The following EDAR variants were observed in gnomAD, a reference collection of about 807,000 sequenced individuals.
EDAR encodes the protein tumor necrosis factor receptor superfamily member EDAR.
In EDAR, 38 loss-of-function variants were observed where a neutral mutation model predicts 51.3. The ratio of observed to expected loss-of-function variants is 0.74; its 90% CI spans 0.57 to 0.97. The LOEUF (loss-of-function observed/expected upper bound fraction) is 0.97. Among genes scored for constraint, EDAR ranks in the 50% least tolerant of loss-of-function variants. EDAR has a pLI of 0.00. For synonymous variants in EDAR, 227 were observed against 242.1 expected (o/e 0.94, Z 0.58); for missense variants, 528 against 595.0 (o/e 0.89, Z 1.17).
chr2:108,909,609 A>G (rs1696877683), intron 9 of EDAR, among the ~76,000 whole-genome samples: 3 of 152,186 alleles, frequency 2.0e-5, no homozygotes, highest in Admixed American at 1.3e-4. Context: ...TGTCGGGCAG[A>G]GGCCTGGCAG....
intron 11 of EDAR, among the ~76,000 whole-genome samples, chr2:108,901,210 G>C (rs262086): frequency 0.71 from 108,694 of 152,142 alleles, 41,901 homozygotes; most frequent in East Asian, 0.91. Context: ...TCACACACTT[G>C]AAAACCAGAC....
rs1401980488 is a variant in EDAR at position 108,894,995 on chromosome 2, A to AGTC, written c.*1909_*1911dup. ...CACACTCATCACAAGTGACATTTGCAGTCTAATTAAGGGGAGACTCACTCA... is the reference window on the plus strand; with the variant it reads ...CACACTCATCACAAGTGACATTTGCAGTCGTCTAATTAAGGGGAGACTCACTCA... On this transcript the variant is annotated 3_prime_UTR_variant, in exon 12 of 12. Coordinates refer to ENST00000258443, the MANE Select transcript of EDAR (RefSeq NM_022336.4). The AGTC allele has an allele frequency of 1.3e-5, 2 of 150,762 alleles. No homozygotes were observed. The highest frequency in any genetic ancestry group is 5.0e-5 in the African/African-American group (2 of 40,324). 9.3% of individuals were successfully genotyped at this position (150,762 alleles called of 1,614,324 possible).
At chr2:108,902,363 G>A (rs1413416215) in intron 11 of EDAR, among the ~76,000 whole-genome samples, 3 of 152,058 alleles carry the variant, frequency 2.0e-5, no homozygotes, top group African/African-American at 7.2e-5. Context: ...GTGACATAGC[G>A]AGACTCCATC....
chr2:108,933,390 G>A (rs1459779778), intron 1 of EDAR, among the ~76,000 whole-genome samples: 3 of 152,190 alleles, frequency 2.0e-5, no homozygotes, highest in Non-Finnish European at 4.4e-5. Flanking sequence ...GTCCCTGGCT[G>A]CTCTAAGAAT....
intron 1 of EDAR, among the ~76,000 whole-genome samples, chr2:108,965,802 G>A (rs1698140868): frequency 6.6e-6 from 1 of 151,872 alleles, no homozygotes. Flanking sequence ...ATTCAAGATG[G>A]GCCTTTTGAT....
chr2:108,961,274 C>G (rs1574406560), intron 1 of EDAR, among the ~76,000 whole-genome samples: 1 of 151,810 alleles, frequency 6.6e-6, no homozygotes. Context: ...AGTCCTTTCC[C>G]TCCTAAATAA....
At chr2:108,950,077 C>A (rs957608309) in intron 1 of EDAR, among the ~76,000 whole-genome samples, 10 of 152,148 alleles carry the variant, frequency 6.6e-5, no homozygotes, top group Non-Finnish European at 1.2e-4. Flanking sequence ...GCACTTATGA[C>A]CCCAGGAGGG....
chr2:108,922,129 A>C (rs1485908371), intron 5 of EDAR, among the ~76,000 whole-genome samples: 1 of 152,252 alleles, frequency 6.6e-6, no homozygotes. Flanking sequence ...AGGCTGTGCC[A>C]TGTGAGAACT....
intron 8 of EDAR, 47 bp from the exon 9 acceptor site, chr2:108,910,579 C>A (rs1171106541): frequency 1.3e-6 from 2 of 1,529,928 alleles, no homozygotes; most frequent in Non-Finnish European, 1.8e-6. Context: ...AGAATTGGCT[C>A]ATGGCTCTGC....
At chr2:108,906,053 GTGCC>G (rs1696797177) in intron 11 of EDAR, among the ~76,000 whole-genome samples, 1 of 152,178 alleles carries the variant, frequency 6.6e-6, no homozygotes, top group Non-Finnish European at 1.5e-5. Context: ...CCTACAGTGG[GTGCC>G]TGCACCAGGC....
chr2:108,902,929 C>A (rs1171888793), intron 11 of EDAR, among the ~76,000 whole-genome samples: 1 of 151,996 alleles, frequency 6.6e-6, no homozygotes, highest in African/African-American at 2.4e-5. Flanking sequence ...AGGAAAGAAA[C>A]GGTACACAGA....
At chr2:108,901,020 A>G (rs1696688739) in intron 11 of EDAR, among the ~76,000 whole-genome samples, 1 of 152,238 alleles carries the variant, frequency 6.6e-6, no homozygotes. Context: ...GAACTTACCA[A>G]CATCATCAAC....
At chr2:108,983,238 C>T (rs1002086652) in intron 1 of EDAR, among the ~76,000 whole-genome samples, 2 of 152,172 alleles carry the variant, frequency 1.3e-5, no homozygotes, top group African/African-American at 4.8e-5. Flanking sequence ...GGACAGGAGG[C>T]TTTAGGAACA....
At chr2:108,934,033 C>G (rs1471922472) in intron 1 of EDAR, among the ~76,000 whole-genome samples, 1 of 152,172 alleles carries the variant, frequency 6.6e-6, no homozygotes, top group Non-Finnish European at 1.5e-5. Flanking sequence ...AGCTGAGCCT[C>G]GGAGGGCTTC....
At position 108,930,198 on chromosome 2, in the gene EDAR, A is replaced by G; in HGVS notation, c.96T>C (p.Gly32=). The change falls in exon 3 of 12, where the codon GGT becomes GGC. Residue 32 remains glycine, a synonymous_variant. Coordinates refer to ENST00000258443, the MANE Select transcript of EDAR (RefSeq NM_022336.4). ...TAGTCTGGTTGTAGTACTCGTTCTC[A>G]CCGCAGTTTGAGTATTCCGCTCGGG... The part of the protein sequence containing the change: ...CSARAEYSNC[G]ENEYYNQTTG... 4 of 1,614,066 alleles carry G rather than the reference A, an allele frequency of 2.5e-6. No individual in the cohort carries two copies. The highest frequency in any genetic ancestry group is 1.1e-5 in the South Asian group (1 of 91,086).
chr2:108,975,522 A>C (rs1289919338), intron 1 of EDAR, among the ~76,000 whole-genome samples: 1 of 152,174 alleles, frequency 6.6e-6, no homozygotes, highest in African/African-American at 2.4e-5. Context: ...GACCAGATGG[A>C]TGCCGGAGTG....
At chr2:108,929,097 C>A (rs1271492767) in intron 4 of EDAR, 101 bp downstream of exon 4, 3 of 1,374,536 alleles carry the variant, frequency 2.2e-6, no homozygotes, top group Non-Finnish European at 3.1e-6. Flanking sequence ...GCACCGAGGC[C>A]TGCAGTATCC....
At chr2:108,974,212 C>A (rs950593109) in intron 1 of EDAR, among the ~76,000 whole-genome samples, 8 of 150,884 alleles carry the variant, frequency 5.3e-5, no homozygotes, top group African/African-American at 1.7e-4. Context: ...CGCCTGTAGT[C>A]CCAGCTAGTT....
At chr2:108,928,078 T>C (rs1316011345) in intron 4 of EDAR, among the ~76,000 whole-genome samples, 1 of 152,088 alleles carries the variant, frequency 6.6e-6, no homozygotes, top group Non-Finnish European at 1.5e-5. Context: ...AGCGGAAGGC[T>C]CAAGTCTTCA....
Sources: gnomAD v4.1 joint callset for allele counts (sites outside exome capture counted in the v4.1 genomes callset) on GRCh38, gnomAD v4.1.1 for gene constraint, MANE v1.5 for transcripts, NCBI Gene and HGNC (gene_info 2026-07-23, HGNC 2026-07-21) for gene names.